MYOZ2: variants seen among roughly 807,000 people sequenced by gnomAD.
The protein encoded by MYOZ2 is myozenin-2.
MYOZ2 carries 19 observed loss-of-function variants against 25.4 expected under a neutral mutation model. That is an observed-to-expected ratio of 0.75 (90% CI 0.52 to 1.10). The LOEUF (loss-of-function observed/expected upper bound fraction) is 1.10. Among genes scored for constraint, MYOZ2 ranks in the 50% least tolerant of loss-of-function variants. The pLI is 0.00. For missense variants in MYOZ2, 270 were observed against 317.9 expected (o/e 0.85, Z 1.15); for synonymous variants, 92 against 106.9 (o/e 0.86, Z 0.86).
intron 2 of MYOZ2, among the ~76,000 whole-genome samples, chr4:119,137,942 C>G (rs528389226): frequency 7.9e-5 from 12 of 152,238 alleles, no homozygotes; most frequent in African/African-American, 2.9e-4. Context: ...ATAGACCTTT[C>G]ATGTTATTAT....
At chr4:119,173,060 T>G (rs751015636) in intron 5 of MYOZ2, among the ~76,000 whole-genome samples, 10 of 152,226 alleles carry the variant, frequency 6.6e-5, no homozygotes, top group African/African-American at 1.2e-4. Flanking sequence ...TAGTAGAATA[T>G]TTTAACTTTT....
intron 4 of MYOZ2, among the ~76,000 whole-genome samples, chr4:119,162,415 G>A (rs982006981): frequency 4.6e-5 from 7 of 152,208 alleles, no homozygotes; most frequent in Non-Finnish European, 8.8e-5. Flanking sequence ...GGGCAGCAGT[G>A]TGGAGGCTGG....
chr4:119,150,387 A>G (rs928305665), intron 2 of MYOZ2, among the ~76,000 whole-genome samples: 10 of 152,128 alleles, frequency 6.6e-5, no homozygotes, highest in Middle Eastern at 3.4e-3. Context: ...TATGGAGGTT[A>G]CTCAGTGCTA....
intron 5 of MYOZ2, among the ~76,000 whole-genome samples, chr4:119,174,002 C>A (rs989885218): frequency 6.6e-6 from 1 of 152,242 alleles, no homozygotes; most frequent in Admixed American, 6.5e-5. Flanking sequence ...GATTTCTCAC[C>A]GGGCCTTAGC....
chr4:119,164,109 A>G, intron 4 of MYOZ2, 102 bp from the exon 5 acceptor site: 2 of 1,161,348 alleles, frequency 1.7e-6, no homozygotes, highest in Non-Finnish European at 2.6e-6. Context: ...CATGCTTCAT[A>G]AATTTATCCC....
rs1215435959 is a variant in MYOZ2 at position 119,186,224 on chromosome 4, A to G, written c.*24A>G. On this transcript the variant is annotated 3_prime_UTR_variant, in exon 6 of 6. Coordinates refer to ENST00000307128, the MANE Select transcript of MYOZ2 (RefSeq NM_016599.5). ...GAAAAGAAAGTTGTATGTGCCACAT[A>G]AAACTCTGAATATAAAAGTTGCTGT... 4 of 1,576,960 alleles carry G rather than the reference A, an allele frequency of 2.5e-6. No individual in the cohort carries two copies. The highest frequency in any genetic ancestry group is 1.7e-5 in the Admixed American group (1 of 59,842).
In MYOZ2 at chr4:119,147,893, G is replaced by A. The variant is rs553143307; in HGVS notation, c.77-2979G>A. ...ATATAATTTAGAAAGCCCAAGAGGA[G>A]AAGGGAAGCCTATTGTATATAGCTA... On this transcript the variant is annotated intron_variant, in intron 2 of 5. Coordinates refer to ENST00000307128, the MANE Select transcript of MYOZ2 (RefSeq NM_016599.5). 9.9e-5 allele frequency among the ~76,000 whole-genome samples: 15 copies of A among 152,248 alleles called. 1 individual carries two copies. The South Asian group carries it at 2.7e-3, about 27-fold the overall frequency.
chr4:119,160,648 A>G (rs1272607218), intron 4 of MYOZ2, among the ~76,000 whole-genome samples: 1 of 151,858 alleles, frequency 6.6e-6, no homozygotes, highest in Admixed American at 6.6e-5. Context: ...TTGTGGGGGG[A>G]AAACTGCATG....
intron 5 of MYOZ2, among the ~76,000 whole-genome samples, chr4:119,179,435 A>G (rs139652264): frequency 0.014 from 2,107 of 152,342 alleles, 28 homozygotes; most frequent in South Asian, 0.048. Flanking sequence ...AAAATTCAAC[A>G]GTGATATGGA....
rs1211340796 is a variant in MYOZ2 at position 119,164,358 on chromosome 4, G to A, written c.524G>A (p.Gly175Glu). ...TATCCTAAACTTTTCAAGCCTGAAG[G>A]AAAGGCAGAACTGCCTGATTACAGG... ...ALYPKLFKPE[G>E]KAELPDYRSF... The change falls in exon 5 of 6, where the codon GGA becomes GAA. Residue 175 changes from glycine to glutamate, a missense_variant. Physicochemically the swap from Gly to Glu is moderately conservative, Grantham distance 98. Coordinates refer to ENST00000307128, the MANE Select transcript of MYOZ2 (RefSeq NM_016599.5). 6.2e-7 allele frequency: 1 copy of A among 1,614,068 alleles called. No homozygotes were observed.
intron 5 of MYOZ2, 121 bp downstream of exon 5, chr4:119,164,515 A>G: frequency 1.1e-6 from 1 of 919,742 alleles, no homozygotes; most frequent in South Asian, 1.5e-5. Context: ...GAATCTAAAT[A>G]GCAATATAGG....
At chr4:119,145,032 A>G (rs1741254019) in intron 2 of MYOZ2, among the ~76,000 whole-genome samples, 1 of 152,162 alleles carries the variant, frequency 6.6e-6, no homozygotes. Context: ...TAGGTCCCAA[A>G]GATATACTAA....
At position 119,145,112 on chromosome 4, in the gene MYOZ2, A is replaced by C. The variant is rs551899621; in HGVS notation, c.77-5760A>C. The stretch of plus-strand genomic sequence containing the variant: ...TAGCTCTAGATCTCAAAGATACAGT[A>C]ATGTGATTTTTCTTCCTTAGCCTAT... On this transcript the variant is annotated intron_variant, in intron 2 of 5. Transcript: ENST00000307128. Among the ~76,000 whole-genome samples the C allele has an allele frequency of 2.6e-5, 4 of 152,254 alleles. No individual in the cohort carries two copies. The East Asian group carries it at 7.7e-4, about 29-fold the overall frequency.
chr4:119,184,288 G>C (rs1039127998), intron 5 of MYOZ2, among the ~76,000 whole-genome samples: 1 of 152,102 alleles, frequency 6.6e-6, no homozygotes, highest in Non-Finnish European at 1.5e-5. Flanking sequence ...TCTGTCCCCT[G>C]TTCCCTCTGC....
intron 4 of MYOZ2, among the ~76,000 whole-genome samples, chr4:119,160,411 T>G (rs748685948): frequency 1.3e-5 from 2 of 152,050 alleles, no homozygotes; most frequent in African/African-American, 2.4e-5. Flanking sequence ...AGAACTTTTA[T>G]TATGTAGTCT....
At chr4:119,157,928 TATAA>T in intron 3 of MYOZ2, 90 bp from the exon 4 acceptor site, 1 of 1,464,980 alleles carries the variant, frequency 6.8e-7, no homozygotes, top group Non-Finnish European at 9.5e-7. Context: ...GCATTTAAAT[TATAA>T]ATATACAATT....
chr4:119,136,238 G>A (rs1242774238), intron 1 of MYOZ2, among the ~76,000 whole-genome samples: 1 of 152,170 alleles, frequency 6.6e-6, no homozygotes, highest in Non-Finnish European at 1.5e-5. Context: ...AGAAAAGAGA[G>A]GGAGGGGAAA....
At chr4:119,179,776 G>A (rs1742150971) in intron 5 of MYOZ2, among the ~76,000 whole-genome samples, 1 of 152,192 alleles carries the variant, frequency 6.6e-6, no homozygotes, top group African/African-American at 2.4e-5. Context: ...TCTTCTTGCT[G>A]TGTCCTCACA....
At chr4:119,163,086 G>A (rs1157459214) in intron 4 of MYOZ2, among the ~76,000 whole-genome samples, 1 of 152,138 alleles carries the variant, frequency 6.6e-6, no homozygotes. Flanking sequence ...AAAGAGCTTT[G>A]AGGAACAACA....
Sources: gnomAD v4.1 joint callset for allele counts (sites outside exome capture counted in the v4.1 genomes callset) on GRCh38, gnomAD v4.1.1 for gene constraint, MANE v1.5 for transcripts, NCBI Gene and HGNC (gene_info 2026-07-23, HGNC 2026-07-21) for gene names.